The following LRP1B variants were observed in gnomAD, a reference collection of about 807,000 sequenced individuals.
LRP1B encodes low-density lipoprotein receptor-related protein 1B.
In LRP1B, 217 loss-of-function variants were observed where a neutral mutation model predicts 556.6. The ratio of observed to expected loss-of-function variants is 0.39; its 90% confidence interval spans 0.35 to 0.44. The LOEUF (loss-of-function observed/expected upper bound fraction) is 0.44, where lower values mean the gene tolerates loss of function less well. Among genes scored for constraint, LRP1B ranks in the 20% least tolerant of loss-of-function variants. The pLI is 1.00. For missense variants in LRP1B, 5,053 were observed against 5,620.8 expected, an observed-to-expected ratio of 0.90 and a Z score of 3.23; for synonymous variants, 2,047 against 1,865.8, an observed-to-expected ratio of 1.10 and a Z score of -2.50.
chr2:140,756,362 CA>C, intron 35 of LRP1B, among the ~76,000 whole-genome samples: 1 of 151,798 alleles, frequency 6.6e-6, no homozygotes, highest in East Asian at 1.9e-4. Flanking sequence ...TACAAGGACT[CA>C]AAAATAACCA....
At chr2:140,463,450 G>A (rs1199691264) in intron 60 of LRP1B, among the ~76,000 whole-genome samples, 2 of 152,162 alleles carry the variant, frequency 1.3e-5, no homozygotes, top group African/African-American at 2.4e-5. Flanking sequence ...GCTCTGAAGT[G>A]TTTTGTTCAA....
chr2:140,740,186 A>T (rs1438435661), intron 35 of LRP1B, among the ~76,000 whole-genome samples: 1 of 152,172 alleles, frequency 6.6e-6, no homozygotes, highest in Non-Finnish European at 1.5e-5. Flanking sequence ...ATCTAGAGGA[A>T]AAAGGTCATT....
chr2:140,509,109 C>CAG (rs758397648), intron 52 of LRP1B, among the ~76,000 whole-genome samples: 4 of 148,526 alleles, frequency 2.7e-5, no homozygotes, highest in Non-Finnish European at 6.0e-5. Context: ...CACACACACA[C>CAG]AGACACTTAT....
intron 3 of LRP1B, among the ~76,000 whole-genome samples, chr2:141,362,046 C>A (rs1688843594): frequency 6.6e-6 from 1 of 152,114 alleles, no homozygotes; most frequent in African/African-American, 2.4e-5. Context: ...CTTCAAGAAG[C>A]CAAATATATT....
At chr2:141,389,590 C>T (rs979722494) in intron 3 of LRP1B, among the ~76,000 whole-genome samples, 3 of 151,028 alleles carry the variant, frequency 2.0e-5, no homozygotes, top group African/African-American at 4.9e-5. Flanking sequence ...AACAAACGCA[C>T]GAGGAGCAAC....
chr2:142,109,089 A>C (rs1413005020), intron 1 of LRP1B, among the ~76,000 whole-genome samples: 1 of 152,176 alleles, frequency 6.6e-6, no homozygotes, highest in Non-Finnish European at 1.5e-5. Context: ...AGTGAGCCTA[A>C]AGTGGTGTCT....
intron 2 of LRP1B, among the ~76,000 whole-genome samples, chr2:141,741,153 T>C (rs1693686218): frequency 6.6e-6 from 1 of 152,122 alleles, no homozygotes; most frequent in African/African-American, 2.4e-5. Context: ...CACATGTTCT[T>C]TATCAACTCA....
intron 10 of LRP1B, among the ~76,000 whole-genome samples, chr2:141,054,627 G>C (rs1699127515): frequency 6.6e-6 from 1 of 151,746 alleles, no homozygotes; most frequent in Non-Finnish European, 1.5e-5. Flanking sequence ...TCTCTAATTA[G>C]GTATAGCTTC....
chr2:141,999,304 G>A (rs916287809), intron 1 of LRP1B, among the ~76,000 whole-genome samples: 12 of 152,062 alleles, frequency 7.9e-5, no homozygotes, highest in African/African-American at 2.9e-4. Context: ...TCTTGGCTGA[G>A]AGTGGGGGTC....
intron 3 of LRP1B, among the ~76,000 whole-genome samples, chr2:141,279,113 G>A (rs1298379464): frequency 6.6e-6 from 1 of 151,658 alleles, no homozygotes; most frequent in African/African-American, 2.4e-5. Context: ...AAATAAATAG[G>A]ACATTTTAAA....
At chr2:141,729,502 AG>A (rs1693186992) in intron 2 of LRP1B, among the ~76,000 whole-genome samples, 5 of 152,138 alleles carry the variant, frequency 3.3e-5, no homozygotes, top group Admixed American at 3.3e-4. Flanking sequence ...ATTATACATC[AG>A]GGGGTTAGAC....
At chr2:140,967,756 T>C (rs1696277861) in intron 18 of LRP1B, among the ~76,000 whole-genome samples, 1 of 152,120 alleles carries the variant, frequency 6.6e-6, no homozygotes, top group Admixed American at 6.6e-5. Context: ...TGAAGTGCTG[T>C]TGAATTTTGT....
chr2:141,495,946 CAGAA>C lies in LRP1B; in HGVS notation c.206-15417_206-15414del, dbSNP rs1456358866. ...TGGTAGAATAGCACAGTATTTAACACAGAAAGAGTAATCCAGGGAATTTCTTTAA... is the reference window on the plus strand; with the variant it reads ...TGGTAGAATAGCACAGTATTTAACACAGAGTAATCCAGGGAATTTCTTTAA... On this transcript the variant is annotated intron_variant, in intron 2 of 90. Transcript: ENST00000389484. 2.0e-5 allele frequency among the ~76,000 whole-genome samples: 3 copies of C among 151,922 alleles called. No individual in the cohort carries two copies. The East Asian group carries it at 5.8e-4, about 29-fold the overall frequency.
At chr2:141,284,083 C>T (rs1241806551) in intron 3 of LRP1B, among the ~76,000 whole-genome samples, 1 of 152,008 alleles carries the variant, frequency 6.6e-6, no homozygotes, top group Non-Finnish European at 1.5e-5. Flanking sequence ...GTCAGGAAAC[C>T]TTGAAGTATT....
At chr2:142,120,146 C>T (rs1242205800) in intron 1 of LRP1B, among the ~76,000 whole-genome samples, 1 of 152,116 alleles carries the variant, frequency 6.6e-6, no homozygotes, top group Non-Finnish European at 1.5e-5. Context: ...GACAGAGTCT[C>T]AGTTGCTCAG....
At chr2:141,032,237 A>C (rs771838709) in intron 11 of LRP1B, among the ~76,000 whole-genome samples, 4 of 152,084 alleles carry the variant, frequency 2.6e-5, no homozygotes, top group African/African-American at 4.8e-5. Flanking sequence ...TTTAACGGCT[A>C]CTTAATATTA....
chr2:140,883,065 G>A (rs1693523218), intron 25 of LRP1B, among the ~76,000 whole-genome samples: 1 of 152,142 alleles, frequency 6.6e-6, no homozygotes, highest in Non-Finnish European at 1.5e-5. Flanking sequence ...GGAGGAAGAT[G>A]TTATTATCCC....
intron 77 of LRP1B, among the ~76,000 whole-genome samples, chr2:140,349,908 G>T (rs1681879688): frequency 6.6e-6 from 1 of 152,092 alleles, no homozygotes; most frequent in Non-Finnish European, 1.5e-5. Flanking sequence ...GCCATCTACT[G>T]CTGATAAAGT....
In LRP1B at chr2:141,905,119, T is replaced by C. The variant is rs1428486654; in HGVS notation, c.83-94718A>G. ...TTGTTTTTCTTTAAGATGGATGATA[T>C]TAAGGTAGTTTTGTGCATTGAAATG... On this transcript the variant is annotated intron_variant, in intron 1 of 90. Coordinates refer to ENST00000389484, the MANE Select transcript of LRP1B (RefSeq NM_018557.3). Among the ~76,000 whole-genome samples the C allele has an allele frequency of 3.3e-5, 5 of 151,886 alleles. 1 individual carries two copies. The highest frequency in any genetic ancestry group is 2.6e-4 in the Admixed American group (4 of 15,194).
Sources: allele counts gnomAD v4.1 joint callset (sites outside exome capture counted in the v4.1 genomes callset), GRCh38; gene constraint gnomAD v4.1.1; transcripts MANE v1.5; gene names NCBI Gene and HGNC (gene_info 2026-07-23, HGNC 2026-07-21).